RIMS2: variants seen among roughly 807,000 people sequenced by gnomAD.
The protein encoded by RIMS2 is regulating synaptic membrane exocytosis protein 2.
Under a neutral mutation model 174.4 loss-of-function variants are expected in RIMS2, and 59 were observed. The ratio of observed to expected loss-of-function variants is 0.34; its 90% CI spans 0.27 to 0.42. RIMS2 has a LOEUF of 0.42. Among genes scored for constraint, RIMS2 ranks in the 10% least tolerant of loss-of-function variants. RIMS2 has a pLI of 1.00. For synonymous variants in RIMS2, 606 were observed against 572.5 expected (o/e 1.06, Z -0.84); for missense variants, 1,620 against 1,666.3 (o/e 0.97, Z 0.48).
intron 1 of RIMS2, among the ~76,000 whole-genome samples, chr8:103,621,355 C>T (rs1220040520): frequency 6.6e-6 from 1 of 152,130 alleles, no homozygotes; most frequent in African/African-American, 2.4e-5. Context: ...TGTATTTGTC[C>T]CGATTGGTTA....
At chr8:103,849,105 T>G (rs757558407) in intron 3 of RIMS2, among the ~76,000 whole-genome samples, 1 of 152,096 alleles carries the variant, frequency 6.6e-6, no homozygotes, top group Non-Finnish European at 1.5e-5. Flanking sequence ...AGTGCATCCC[T>G]TGCTACCTAT....
At chr8:103,779,756 G>C (rs2098364451) in intron 3 of RIMS2, among the ~76,000 whole-genome samples, 1 of 115,502 alleles carries the variant, frequency 8.7e-6, no homozygotes, top group South Asian at 3.5e-4. Flanking sequence ...CCTGTCATGG[G>C]GTGGGGGGAG....
At chr8:103,846,078 T>C (rs185420070) in intron 3 of RIMS2, among the ~76,000 whole-genome samples, 1 of 152,164 alleles carries the variant, frequency 6.6e-6, no homozygotes, top group African/African-American at 2.4e-5. Context: ...TTCTGCCCAA[T>C]TGACTGGCTG....
chr8:104,242,191 A>G (rs375191360), intron 19 of RIMS2, among the ~76,000 whole-genome samples: 4 of 151,828 alleles, frequency 2.6e-5, no homozygotes, highest in African/African-American at 9.7e-5. Flanking sequence ...TTTGAAACAT[A>G]TATGTGCAGT....
chr8:104,176,703 AATC>A (rs1460322700), intron 19 of RIMS2, among the ~76,000 whole-genome samples: 1 of 151,420 alleles, frequency 6.6e-6, no homozygotes, highest in Admixed American at 6.6e-5. Context: ...ATGAATATAT[AATC>A]ATATATTTTC....
At chr8:103,901,440 T>C (rs999664480) in intron 4 of RIMS2, among the ~76,000 whole-genome samples, 4 of 152,190 alleles carry the variant, frequency 2.6e-5, no homozygotes, top group African/African-American at 4.8e-5. Flanking sequence ...CTTTAGAGCA[T>C]TGTTACCTTT....
At chr8:103,570,415 A>C (rs2092720581) in intron 1 of RIMS2, among the ~76,000 whole-genome samples, 1 of 152,224 alleles carries the variant, frequency 6.6e-6, no homozygotes, top group Non-Finnish European at 1.5e-5. Flanking sequence ...TAAATGAGTT[A>C]GCTAAACTCA....
chr8:104,145,168 A>G (rs1566668534), intron 19 of RIMS2, among the ~76,000 whole-genome samples: 1 of 152,148 alleles, frequency 6.6e-6, no homozygotes, highest in Non-Finnish European at 1.5e-5. Context: ...AATAAATATC[A>G]TTATAGCTAA....
chr8:103,983,911 C>T (rs2094132677), intron 16 of RIMS2, among the ~76,000 whole-genome samples: 2 of 152,210 alleles, frequency 1.3e-5, no homozygotes, highest in South Asian at 2.1e-4. Flanking sequence ...CAGTGGCTCG[C>T]GCCTGTAATC....
intron 1 of RIMS2, among the ~76,000 whole-genome samples, chr8:103,534,907 C>T (rs975305025): frequency 6.6e-5 from 10 of 152,154 alleles, no homozygotes; most frequent in Non-Finnish European, 1.0e-4. Context: ...AAAAGCTTGC[C>T]AACCCTTGAT....
chr8:104,181,850 T>G (rs1169452710), intron 19 of RIMS2, among the ~76,000 whole-genome samples: 1 of 151,752 alleles, frequency 6.6e-6, no homozygotes, highest in East Asian at 1.9e-4. Flanking sequence ...TGAAGGAATA[T>G]TTATGTTTAC....
At chr8:103,620,030 A>T (rs187877795) in intron 1 of RIMS2, among the ~76,000 whole-genome samples, 200 of 152,254 alleles carry the variant, frequency 1.3e-3, no homozygotes, top group African/African-American at 4.5e-3. Context: ...TTTAGAAACT[A>T]TTGCTCCTAA....
chr8:103,635,975 A>G (rs1338832346), intron 1 of RIMS2, among the ~76,000 whole-genome samples: 4 of 151,706 alleles, frequency 2.6e-5, no homozygotes, highest in African/African-American at 9.7e-5. Context: ...AGGATCAGGT[A>G]CTCCCTTAAA....
intron 19 of RIMS2, among the ~76,000 whole-genome samples, chr8:104,108,064 A>G (rs2098111539): frequency 6.7e-6 from 1 of 149,822 alleles, no homozygotes; most frequent in African/African-American, 2.5e-5. Context: ...TCCATTTAGG[A>G]ACAATTTGGT....
chr8:103,829,720 G>A (rs1302875875), intron 3 of RIMS2, among the ~76,000 whole-genome samples: 1 of 152,118 alleles, frequency 6.6e-6, no homozygotes, highest in East Asian at 1.9e-4. Flanking sequence ...TGGAGGGTAG[G>A]AGGAGAGTGA....
At chr8:103,892,793 A>G (rs1421786154) in intron 4 of RIMS2, among the ~76,000 whole-genome samples, 1 of 152,038 alleles carries the variant, frequency 6.6e-6, no homozygotes, top group East Asian at 1.9e-4. Flanking sequence ...TATAGCCATG[A>G]GCCACTGCAC....
intron 1 of RIMS2, among the ~76,000 whole-genome samples, chr8:103,624,754 C>T (rs971872357): frequency 1.3e-5 from 2 of 152,178 alleles, no homozygotes; most frequent in African/African-American, 2.4e-5. Flanking sequence ...ATTTAATCCT[C>T]TTACCTCTAT....
intron 19 of RIMS2, among the ~76,000 whole-genome samples, chr8:104,194,050 C>A (rs1161938452): frequency 2.0e-5 from 3 of 152,154 alleles, no homozygotes; most frequent in African/African-American, 7.2e-5. Context: ...AGCCAAAGAT[C>A]TTCAAATGGT....
chr8:103,689,940 A>T (rs1239804394), intron 1 of RIMS2, among the ~76,000 whole-genome samples: 1 of 145,574 alleles, frequency 6.9e-6, no homozygotes, highest in East Asian at 2.0e-4. Flanking sequence ...GTTTTAATAC[A>T]TTCAGCTACT....
Sources: allele counts gnomAD v4.1 joint callset (sites outside exome capture counted in the v4.1 genomes callset), GRCh38; gene constraint gnomAD v4.1.1; transcripts MANE v1.5; gene names NCBI Gene and HGNC (gene_info 2026-07-23, HGNC 2026-07-21).